KIF16B: variants seen among roughly 807,000 people sequenced by gnomAD.
The protein encoded by KIF16B is kinesin-like protein KIF16B.
KIF16B carries 98 observed loss-of-function variants against 156.3 expected under a neutral mutation model. The ratio of observed to expected loss-of-function variants is 0.63; its 90% confidence interval spans 0.53 to 0.74. The LOEUF (loss-of-function observed/expected upper bound fraction) is 0.74. Ranked by LOEUF, KIF16B falls within the 30% of genes least tolerant of loss-of-function variation. The pLI is 0.00. For missense variants in KIF16B, 1,421 were observed against 1,606.5 expected, an observed-to-expected ratio of 0.88 and a Z score of 1.97; for synonymous variants, 564 against 583.7, an observed-to-expected ratio of 0.97 and a Z score of 0.49.
intron 17 of KIF16B, among the ~76,000 whole-genome samples, chr20:16,389,322 T>G (rs984303131): frequency 6.6e-6 from 1 of 152,208 alleles, no homozygotes; most frequent in Non-Finnish European, 1.5e-5. Flanking sequence ...GAGGCCCAAC[T>G]TTCAATATGT....
chr20:16,391,717 G>A (rs974338218), intron 17 of KIF16B, among the ~76,000 whole-genome samples: 1 of 152,180 alleles, frequency 6.6e-6, no homozygotes, highest in Non-Finnish European at 1.5e-5. Context: ...AGAAACCAAG[G>A]GAGGGTGGCC....
At chr20:16,418,400 A>G (rs2066143354) in intron 15 of KIF16B, among the ~76,000 whole-genome samples, 3 of 152,130 alleles carry the variant, frequency 2.0e-5, no homozygotes, top group Admixed American at 2.0e-4. Context: ...ACATGACACG[A>G]TAGGAGGTAG....
At chr20:16,303,538 G>A (rs1429565538) in intron 25 of KIF16B, among the ~76,000 whole-genome samples, 1 of 152,184 alleles carries the variant, frequency 6.6e-6, no homozygotes, top group Non-Finnish European at 1.5e-5. Context: ...GTTTACAAAT[G>A]TGCTCTCATT....
intron 24 of KIF16B, among the ~76,000 whole-genome samples, chr20:16,312,953 G>A (rs2063643350): frequency 6.6e-6 from 1 of 151,934 alleles, no homozygotes; most frequent in Non-Finnish European, 1.5e-5. Context: ...CATGTGAAAA[G>A]AGGACTTCTC....
At chr20:16,567,987 C>T (rs915025973) in intron 1 of KIF16B, among the ~76,000 whole-genome samples, 2 of 152,204 alleles carry the variant, frequency 1.3e-5, no homozygotes, top group Non-Finnish European at 2.9e-5. Flanking sequence ...TGGTACCTGG[C>T]AGTGCCTTGA....
At chr20:16,361,151 A>G (rs2064544556) in intron 22 of KIF16B, among the ~76,000 whole-genome samples, 1 of 152,210 alleles carries the variant, frequency 6.6e-6, no homozygotes, top group Non-Finnish European at 1.5e-5. Flanking sequence ...TTCCAACCAT[A>G]GCACATATTT....
intron 25 of KIF16B, among the ~76,000 whole-genome samples, chr20:16,296,494 T>C (rs2063387970): frequency 6.6e-6 from 1 of 152,224 alleles, no homozygotes; most frequent in South Asian, 2.1e-4. Context: ...GTCTGCCATC[T>C]TGAGTCGTTC....
intron 25 of KIF16B, among the ~76,000 whole-genome samples, chr20:16,301,295 A>G (rs1440001904): frequency 1.3e-5 from 2 of 152,210 alleles, no homozygotes; most frequent in Non-Finnish European, 2.9e-5. Flanking sequence ...ACTACTATAA[A>G]CATTTATGTG....
chr20:16,440,551 A>G lies in KIF16B; in HGVS notation c.1303-10569T>C, dbSNP rs1237328402. 7.0e-3 allele frequency among the ~76,000 whole-genome samples: 658 copies of G among 93,852 alleles called. 5 individuals carry two copies. Among genetic ancestry groups the G allele is most frequent in the Middle Eastern group, 0.033 (7 of 212 alleles). The allele number at this position is 93,852 out of a possible 152,430, so 61.6% of individuals were successfully genotyped here. The stretch of plus-strand genomic sequence containing the variant: ...AGCGCGCGCACACACACACACACAC[A>G]CACACACACACACACACACACACAC... On this transcript the variant is annotated intron_variant, in intron 12 of 25. Transcript: ENST00000354981.
chr20:16,286,639 G>C (rs1409080606), intron 25 of KIF16B, among the ~76,000 whole-genome samples: 3 of 152,086 alleles, frequency 2.0e-5, no homozygotes, highest in African/African-American at 7.2e-5. Context: ...AGAATTCCCA[G>C]AATCATTTAA....
At chr20:16,486,135 C>T (rs2068108058) in intron 12 of KIF16B, among the ~76,000 whole-genome samples, 1 of 152,086 alleles carries the variant, frequency 6.6e-6, no homozygotes, top group Non-Finnish European at 1.5e-5. Context: ...CAGAAGAATA[C>T]CCAATTGTGG....
chr20:16,519,774 A>G (rs1398534999), intron 3 of KIF16B, among the ~76,000 whole-genome samples: 1 of 152,238 alleles, frequency 6.6e-6, no homozygotes, highest in African/African-American at 2.4e-5. Flanking sequence ...AGCAAGATCA[A>G]TGCAGAAGGC....
At chr20:16,392,139 C>T (rs2065382364) in intron 17 of KIF16B, among the ~76,000 whole-genome samples, 1 of 152,150 alleles carries the variant, frequency 6.6e-6, no homozygotes, top group Non-Finnish European at 1.5e-5. Flanking sequence ...TTATTTTGTT[C>T]CCAGCCCTCA....
At chr20:16,291,494 G>A (rs2063314411) in intron 25 of KIF16B, among the ~76,000 whole-genome samples, 2 of 152,172 alleles carry the variant, frequency 1.3e-5, no homozygotes, top group Non-Finnish European at 2.9e-5. Flanking sequence ...CTTTTAGGAC[G>A]AGTGACTTTT....
intron 1 of KIF16B, among the ~76,000 whole-genome samples, chr20:16,539,368 T>C (rs1213659561): frequency 6.6e-6 from 1 of 152,220 alleles, no homozygotes; most frequent in African/African-American, 2.4e-5. Context: ...AGGAAGTTAC[T>C]AGGAACTGAA....
chr20:16,487,107 G>T (rs772034851), intron 12 of KIF16B, among the ~76,000 whole-genome samples: 45 of 152,016 alleles, frequency 3.0e-4, no homozygotes, highest in Non-Finnish European at 4.4e-5. Flanking sequence ...CAAAAAATTA[G>T]CTGGGCGTGG....
At chr20:16,430,281 C>G (rs923289003) in intron 12 of KIF16B, among the ~76,000 whole-genome samples, 2 of 152,160 alleles carry the variant, frequency 1.3e-5, no homozygotes, top group Non-Finnish European at 2.9e-5. Context: ...TAAACTTTCT[C>G]ACTCTTCAGA....
At chr20:16,433,040 A>G (rs977710125) in intron 12 of KIF16B, among the ~76,000 whole-genome samples, 2 of 151,826 alleles carry the variant, frequency 1.3e-5, no homozygotes, top group Non-Finnish European at 2.9e-5. Flanking sequence ...GCTAACCCCT[A>G]CTCCTACCTC....
At chr20:16,405,387 G>C (rs1418629557) in intron 16 of KIF16B, among the ~76,000 whole-genome samples, 2 of 151,748 alleles carry the variant, frequency 1.3e-5, no homozygotes, top group African/African-American at 4.8e-5. Flanking sequence ...CTGTTCCTCT[G>C]AAACTGTGTA....
Sources: gnomAD v4.1 joint callset for allele counts (sites outside exome capture counted in the v4.1 genomes callset) on GRCh38, gnomAD v4.1.1 for gene constraint, MANE v1.5 for transcripts, NCBI Gene and HGNC (gene_info 2026-07-23, HGNC 2026-07-21) for gene names.